MAST4: variants seen among roughly 807,000 people sequenced by gnomAD.
The protein encoded by MAST4 is microtubule associated serine/threonine kinase family member 4, also known as microtubule-associated serine/threonine-protein kinase 4.
A neutral mutation model predicts 162.7 loss-of-function variants in MAST4; 89 were observed. The ratio of observed to expected loss-of-function variants is 0.55; its 90% CI spans 0.46 to 0.65. The LOEUF is 0.65. MAST4 is among the 30% of genes least tolerant of loss of function. The probability of loss-of-function intolerance (pLI) is 0.00; values close to 1 mark genes in which losing one functional copy is unlikely to be tolerated. For synonymous variants in MAST4, 1,479 were observed against 1,361.1 expected (o/e 1.09, Z -1.91); for missense variants, 3,153 against 3,374.0 (o/e 0.93, Z 1.62).
chr5:67,066,518 T>C (rs550375853), intron 5 of MAST4, among the ~76,000 whole-genome samples: 48 of 152,154 alleles, frequency 3.2e-4, no homozygotes, highest in African/African-American at 1.1e-3. Context: ...CATTATGTTT[T>C]GACTGTTTTT....
intron 10 of MAST4, among the ~76,000 whole-genome samples, chr5:67,108,676 A>G (rs1270758844): frequency 6.6e-6 from 1 of 152,086 alleles, no homozygotes; most frequent in Non-Finnish European, 1.5e-5. Context: ...TAACTGTTTT[A>G]CTTTTGCCTG....
chr5:67,072,273 A>ATTT (rs1761085743), intron 5 of MAST4, among the ~76,000 whole-genome samples: 1 of 152,250 alleles, frequency 6.6e-6, no homozygotes, highest in Non-Finnish European at 1.5e-5. Context: ...TTAGTTTAAT[A>ATTT]TTATAAACAC....
intron 3 of MAST4, among the ~76,000 whole-genome samples, chr5:66,844,346 A>C (rs1482839239): frequency 1.3e-5 from 2 of 152,216 alleles, no homozygotes. Context: ...TAATGGAACC[A>C]CTTTGGACAT....
chr5:67,054,705 T>TG (rs1758594553), intron 5 of MAST4, among the ~76,000 whole-genome samples: 1 of 152,220 alleles, frequency 6.6e-6, no homozygotes, highest in Non-Finnish European at 1.5e-5. Context: ...CCTTTTTATA[T>TG]GGGGTCTCTT....
At chr5:66,717,753 G>T (rs1750932191) in intron 1 of MAST4, among the ~76,000 whole-genome samples, 1 of 152,162 alleles carries the variant, frequency 6.6e-6, no homozygotes, top group Non-Finnish European at 1.5e-5. Flanking sequence ...TCAGATTTGT[G>T]TGGTGGAGGC....
At chr5:66,910,831 G>A (rs71626466) in intron 4 of MAST4, among the ~76,000 whole-genome samples, 4,661 of 143,116 alleles carry the variant, frequency 0.033, 136 homozygotes, top group African/African-American at 0.076. Flanking sequence ...GCTCACTGCA[G>A]TCTCCACCTC....
At chr5:66,692,700 C>A (rs900102565) in intron 1 of MAST4, among the ~76,000 whole-genome samples, 4 of 152,136 alleles carry the variant, frequency 2.6e-5, no homozygotes, top group African/African-American at 9.7e-5. Context: ...ATTCCCTTAC[C>A]GTTCTGCAAT....
At chr5:66,659,270 G>A (rs559983340) in intron 1 of MAST4, among the ~76,000 whole-genome samples, 9 of 152,236 alleles carry the variant, frequency 5.9e-5, no homozygotes, top group East Asian at 1.9e-4. Context: ...ATGACTATTC[G>A]GCCAATCAGA....
intron 5 of MAST4, among the ~76,000 whole-genome samples, chr5:67,080,125 G>A (rs1762429969): frequency 6.6e-6 from 1 of 152,184 alleles, no homozygotes. Context: ...AGAAAGGTTA[G>A]CATTCCATTG....
intron 1 of MAST4, among the ~76,000 whole-genome samples, chr5:66,744,633 T>A (rs995269286): frequency 3.4e-4 from 51 of 152,210 alleles, no homozygotes; most frequent in African/African-American, 1.2e-3. Flanking sequence ...GCAATGCATG[T>A]CTTACATGGC....
At chr5:66,741,372 T>G (rs998959831) in intron 1 of MAST4, among the ~76,000 whole-genome samples, 3 of 152,216 alleles carry the variant, frequency 2.0e-5, no homozygotes, top group Non-Finnish European at 4.4e-5. Context: ...ACATAGTAGA[T>G]GCTCAGTGAA....
At chr5:66,852,134 T>C (rs1370623030) in intron 3 of MAST4, among the ~76,000 whole-genome samples, 5 of 152,168 alleles carry the variant, frequency 3.3e-5, no homozygotes, top group African/African-American at 1.2e-4. Context: ...ATCCTCAAAA[T>C]AGCTAGGCAT....
intron 1 of MAST4, among the ~76,000 whole-genome samples, chr5:66,714,711 T>C (rs1750708859): frequency 6.6e-6 from 1 of 152,258 alleles, no homozygotes; most frequent in South Asian, 2.1e-4. Flanking sequence ...TTTTTGTCTT[T>C]TTTAAACAAT....
intron 4 of MAST4, among the ~76,000 whole-genome samples, chr5:66,905,170 G>A (rs1308888425): frequency 1.3e-5 from 2 of 152,060 alleles, no homozygotes; most frequent in Non-Finnish European, 2.9e-5. Flanking sequence ...AACCAGGCTT[G>A]GAGGCGCATG....
Position 67,165,155 on chromosome 5 carries a change from A to G in MAST4, c.5976A>G (p.Thr1992=), listed in dbSNP as rs552831118. ...RSERSAARAD[T]CREPSMELCF... ...AGCGCTCTGCTGCGAGGGCTGACAC[A>G]TGCAGAGAGCCCTCCATGGAACTGT... The change falls in exon 29 of 29, where the codon ACA becomes ACG. Residue 1992 remains threonine, a synonymous_variant. Coordinates refer to ENST00000403625, the MANE Select transcript of MAST4 (RefSeq NM_001164664.2). 1 of 1,597,988 alleles carries G rather than the reference A, an allele frequency of 6.3e-7. No individual in the cohort carries two copies. The highest frequency in any genetic ancestry group is 1.1e-5 in the South Asian group (1 of 88,828).
rs143985798 is a variant in MAST4 at position 66,907,945 on chromosome 5, A to AATATTG, written c.674+7964_674+7965insTATTGA. On this transcript the variant is annotated intron_variant, in intron 4 of 28. Coordinates refer to ENST00000403625, the MANE Select transcript of MAST4 (RefSeq NM_001164664.2). Reference sequence around the variant, plus strand: ...GCATTTTCTGTCCTCCCACCCCCACAAATATTGAAGCAAAAATTCAAAATA... The same window carrying AATATTG: ...GCATTTTCTGTCCTCCCACCCCCACAATATTGAATATTGAAGCAAAAATTCAAAATA... Among the ~76,000 whole-genome samples, 1,106 of 152,302 alleles carry AATATTG rather than the reference A, an allele frequency of 7.3e-3. 13 individuals carry two copies. The highest frequency in any genetic ancestry group is 0.025 in the African/African-American group (1,044 of 41,552).
chr5:66,993,075 C>T (rs762382525), intron 4 of MAST4, among the ~76,000 whole-genome samples: 67 of 152,180 alleles, frequency 4.4e-4, no homozygotes, highest in Non-Finnish European at 6.3e-4. Flanking sequence ...AAGTAAAAAC[C>T]CAATAGTGGC....
chr5:66,903,438 TTG>T (rs3042310), intron 4 of MAST4, among the ~76,000 whole-genome samples: 19,903 of 148,504 alleles, frequency 0.13, 1,384 homozygotes, highest in Non-Finnish European at 0.15. Flanking sequence ...ACACCTGTGT[TTG>T]TGTGTGTGTG....
chr5:66,970,597 T>C (rs1177197853), intron 4 of MAST4, among the ~76,000 whole-genome samples: 1 of 152,160 alleles, frequency 6.6e-6, no homozygotes, highest in African/African-American at 2.4e-5. Flanking sequence ...GTCATGATGG[T>C]TTGTGTTTTT....
Sources: allele counts gnomAD v4.1 joint callset (sites outside exome capture counted in the v4.1 genomes callset), GRCh38; gene constraint gnomAD v4.1.1; transcripts MANE v1.5; gene names NCBI Gene and HGNC (gene_info 2026-07-23, HGNC 2026-07-21).